TUBGCP6: variants seen among roughly 807,000 people sequenced by gnomAD.
TUBGCP6 encodes gamma-tubulin complex component 6.
In TUBGCP6, 161 loss-of-function variants were observed where a neutral mutation model predicts 175.8. The ratio of observed to expected loss-of-function variants is 0.92; its 90% CI spans 0.81 to 1.04. TUBGCP6 has a LOEUF of 1.04. Ranked by LOEUF, TUBGCP6 falls within the 50% of genes least tolerant of loss-of-function variation. The pLI, the probability that TUBGCP6 is intolerant of heterozygous loss-of-function variation, is 0.00. For missense variants in TUBGCP6, 2,572 were observed against 2,433.0 expected, an observed-to-expected ratio of 1.06 and a Z score of -1.20; for synonymous variants, 1,173 against 1,030.5, an observed-to-expected ratio of 1.14 and a Z score of -2.65.
At chr22:50,219,243 G>A (rs766309205) in intron 19 of TUBGCP6, 34 bp from the exon 20 acceptor site, 3 of 1,610,570 alleles carry the variant, frequency 1.9e-6, no homozygotes, top group Admixed American at 1.7e-5. Context: ...GGGCGGGCCA[G>A]GACGGGCTGG....
Position 50,244,238 on chromosome 22 carries a change from G to T in TUBGCP6, c.222C>A (p.Ser74=), listed in dbSNP as rs770711309. 2 of 1,613,478 alleles carry T rather than the reference G, an allele frequency of 1.2e-6. No individual in the cohort carries two copies. Among genetic ancestry groups the T allele is most frequent in the Non-Finnish European group, 1.7e-6 (2 of 1,180,030 alleles). The change falls in exon 1 of 25, where the codon TCC becomes TCA. Residue 74 remains serine (S), a synonymous_variant. Coordinates refer to ENST00000248846, the MANE Select transcript of TUBGCP6 (RefSeq NM_020461.4). ...CCAGGCCACCCACTCTCAAGTCAAA[G>T]GACAACATGAGGATCTTGTTTCTCG... is the stretch of plus-strand genomic sequence containing the variant. ...LPARNKILML[S]FDLRVGGLGP...
intron 1 of TUBGCP6, 146 bp downstream of exon 1, chr22:50,243,573 G>C (rs1209935273): frequency 1.3e-6 from 1 of 761,370 alleles, no homozygotes; most frequent in African/African-American, 2.1e-5. Flanking sequence ...AGCCAAGATC[G>C]CGCCACTGCA....
Position 50,217,828 on chromosome 22 carries a change from C to A in TUBGCP6, c.5369-1G>T. ...CCGCGGTTCACCAGCTTGGTCACCA[C>A]TGGGGACCAGCGAGCAGCTCAGGCT... On this transcript the variant is annotated splice_acceptor_variant, in intron 24 of 24. Coordinates refer to ENST00000248846, the MANE Select transcript of TUBGCP6 (RefSeq NM_020461.4). LOFTEE classifies it high-confidence loss of function. 6.2e-7 allele frequency: 1 copy of A among 1,613,712 alleles called. No individual in the cohort carries two copies. The highest frequency in any genetic ancestry group is 1.1e-5 in the South Asian group (1 of 91,046).
At position 50,218,843 on chromosome 22, in the gene TUBGCP6, C is replaced by A; in HGVS notation, c.4681G>T (p.Val1561Leu). 1.2e-6 allele frequency: 2 copies of A among 1,614,026 alleles called. No individual in the cohort carries two copies. Among genetic ancestry groups the A allele is most frequent in the South Asian group, 2.2e-5 (2 of 91,082 alleles). The change falls in exon 21 of 25, where the codon GTG becomes TTG. Residue 1561 changes from valine to leucine, a missense_variant. By Grantham distance (32) the Val-to-Leu change is conservative (BLOSUM62 1). Transcript: ENST00000248846. The part of the protein sequence containing the change: ...ELLNPLVLNS[V>L]LSKALQCSLH... ...CTGCACTGCAGGGCCTTGCTCAGCACAGAGTTCAGCACCAGCGGGTTGAGC... is the reference window on the plus strand; with the variant it reads ...CTGCACTGCAGGGCCTTGCTCAGCAAAGAGTTCAGCACCAGCGGGTTGAGC...
rs202082129 is a variant in TUBGCP6, at chr22:50,220,956, C to A, written c.3403G>T (p.Gly1135Trp). Reference sequence around the variant, plus strand: ...CTGATGCTGGCGTTGGACACGTGCCCGTGGGTATTCCACCGTGGCCTGGTG... The same window carrying A: ...CTGATGCTGGCGTTGGACACGTGCCAGTGGGTATTCCACCGTGGCCTGGTG... ...APTRPRWNTH[G>W]HVSNASIRVG... Residue 1135 changes from glycine (G) to tryptophan (W), a missense_variant, in exon 16 of 25, where the codon GGG (glycine) becomes TGG (tryptophan). By Grantham distance (184) the Gly-to-Trp change is radical. Transcript: ENST00000248846. 6.2e-7 allele frequency: 1 copy of A among 1,607,156 alleles called. No individual in the cohort carries two copies. The highest frequency in any genetic ancestry group is 1.3e-5 in the African/African-American group (1 of 74,476).
At position 50,244,104 on chromosome 22, in the gene TUBGCP6, CCTG is replaced by C. The variant is rs769271255; in HGVS notation, c.353_355del (p.Ala118del). 1 of 1,613,708 alleles carries C rather than the reference CCTG, an allele frequency of 6.2e-7. No individual in the cohort carries two copies. Among genetic ancestry groups the C allele is most frequent in the South Asian group, 1.1e-5 (1 of 91,084 alleles). ...CGGCAGAACTTGAGGGGGACCACTC[CCTG>C]CCAGCTGAACCAGGAGGTCCAAAAC... On this transcript the variant is annotated inframe_deletion, in exon 1 of 25. Coordinates refer to ENST00000248846, the MANE Select transcript of TUBGCP6 (RefSeq NM_020461.4).
intron 1 of TUBGCP6, among the ~76,000 whole-genome samples, chr22:50,241,982 T>G: frequency 3.6e-5 from 1 of 27,948 alleles, no homozygotes; most frequent in Non-Finnish European, 5.1e-5. Flanking sequence ...AGACTCCATC[T>G]CAAAAAAAAA....
rs374452257 is a variant in TUBGCP6, at chr22:50,218,251, G to A, written c.5106C>T (p.Thr1702=). ...TWCEFRARLA[T]VGDLEEIQRA... is the part of the protein sequence containing the mutation. ...GCTGGATCTCCTCCAGGTCGCCCACGGTGGCCAACCTGGCCCTGAACTCGC... is the reference window on the plus strand; with the variant it reads ...GCTGGATCTCCTCCAGGTCGCCCACAGTGGCCAACCTGGCCCTGAACTCGC... The change falls in exon 23 of 25, where the codon ACC becomes ACT. Residue 1702 remains threonine (T), a synonymous_variant. Transcript: ENST00000248846. 64 of 1,612,992 alleles carry A rather than the reference G, an allele frequency of 4.0e-5. No individual in the cohort carries two copies. Among genetic ancestry groups the A allele is most frequent in the South Asian group, 4.0e-4 (36 of 91,086 alleles).
At chr22:50,224,082 C>G in intron 13 of TUBGCP6, 59 bp downstream of exon 13, 1 of 1,481,228 alleles carries the variant, frequency 6.8e-7, no homozygotes, top group Non-Finnish European at 9.3e-7. Context: ...AAGATTAAGC[C>G]AGAGCTATGG....
chr22:50,221,135 G>A lies in TUBGCP6; in HGVS notation c.3224C>T (p.Pro1075Leu), dbSNP rs746157968. The change falls in exon 16 of 25, where the codon CCA (proline) becomes CTA (leucine). Residue 1075 changes from proline (P) to leucine (L), a missense_variant. Pro to Leu is a moderately conservative substitution (Grantham distance 98). Coordinates refer to ENST00000248846, the MANE Select transcript of TUBGCP6 (RefSeq NM_020461.4). ...ENVSDVAPTQ[P>L]RWNTHGHVSN... is the part of the protein sequence containing the mutation. ...TACGTGTCCGTGGGTGTTCCACCGT[G>A]GCTGGGTGGGAGCCACATCTGACAC... 2.5e-6 allele frequency: 4 copies of A among 1,607,724 alleles called. No homozygotes were observed. In the African/African-American group the frequency reaches 4.0e-5, roughly 16 times the overall value.
At chr22:50,225,022 G>A (rs1339186766) in intron 10 of TUBGCP6, among the ~76,000 whole-genome samples, 1 of 151,866 alleles carries the variant, frequency 6.6e-6, no homozygotes, top group Non-Finnish European at 1.5e-5. Context: ...CCAAGGGTTC[G>A]AGGAGGGACC....
Position 50,233,399 on chromosome 22 carries a change from C to A in TUBGCP6, c.1033G>T (p.Val345Leu). ...AGGVLQAPQP[V>L]LVKECELVKD... is the part of the protein sequence containing the mutation. ...ACCAGCTCGCACTCCTTCACCAGCA[C>A]GGGCTGCGGGGCCTGTAGGACGCCC... The change falls in exon 3 of 25, where the codon GTG (valine) becomes TTG (leucine). Residue 345 changes from valine to leucine, a missense_variant. By Grantham distance (32) the Val-to-Leu change is conservative. Transcript: ENST00000248846. The A allele has an allele frequency of 6.2e-7, 1 of 1,613,996 alleles. No individual in the cohort carries two copies. Among genetic ancestry groups the A allele is most frequent in the Non-Finnish European group, 8.5e-7 (1 of 1,179,960 alleles).
chr22:50,238,925 G>A (rs190949577), intron 2 of TUBGCP6, among the ~76,000 whole-genome samples: 66 of 152,284 alleles, frequency 4.3e-4, no homozygotes, highest in Non-Finnish European at 6.3e-4. Flanking sequence ...CACCACCACC[G>A]TGCTGGGAAG....
At position 50,219,187 on chromosome 22, in the gene TUBGCP6, C is replaced by G. The variant is rs200841925; in HGVS notation, c.4507G>C (p.Ala1503Pro). ...AGCTCCACGAAGAAGTAGTCGACAG[C>G]GGCCTTGTTCACCAAGGAGATGCTG... ...AAHISLVNKA[A>P]VDYFFVELHL... The change falls in exon 20 of 25, where the codon GCT becomes CCT. Residue 1503 changes from alanine (A) to proline (P), a missense_variant. Ala to Pro is a conservative substitution (Grantham distance 27). Coordinates refer to ENST00000248846, the MANE Select transcript of TUBGCP6 (RefSeq NM_020461.4). 2 of 1,611,292 alleles carry G rather than the reference C, an allele frequency of 1.2e-6. No homozygotes were observed. Among genetic ancestry groups the G allele is most frequent in the African/African-American group, 2.7e-5 (2 of 74,928 alleles).
chr22:50,222,408 C>A (rs1411005983), intron 14 of TUBGCP6, 46 bp downstream of exon 14: 2 of 1,608,556 alleles, frequency 1.2e-6, no homozygotes. Context: ...GTTTCCAGAC[C>A]CCCAAAGCCC....
Position 50,225,797 on chromosome 22 carries a change from C to G in TUBGCP6, c.1980G>C (p.Glu660Asp). The change falls in exon 10 of 25, where the codon GAG becomes GAC. Residue 660 changes from glutamate (E) to aspartate (D), a missense_variant. Coordinates refer to ENST00000248846, the MANE Select transcript of TUBGCP6 (RefSeq NM_020461.4). ...VARHSSVSKE[E>D]KELRMEIAKQ... ...CGAGACCTGTGGTGCCACGCACCTT[C>G]TCCTCCTTGCTGACAGAGCTGTGGC... is the stretch of plus-strand genomic sequence containing the variant. 6.2e-7 allele frequency: 1 copy of G among 1,612,516 alleles called. No individual in the cohort carries two copies. The highest frequency in any genetic ancestry group is 8.5e-7 in the Non-Finnish European group (1 of 1,179,218).
At chr22:50,228,261 GAGCCCAGCTGCCCCAGGGGCGCCCACC>G (rs2064641800) in intron 4 of TUBGCP6, among the ~76,000 whole-genome samples, 3 of 77,302 alleles carry the variant, frequency 3.9e-5, no homozygotes, top group African/African-American at 1.5e-4. Context: ...CCTCTCATCT[GAGCCCAGCTGCCCCAGGGGCGCCCACC>G]ACCAACCCTT....
chr22:50,218,268 T>C lies in TUBGCP6; in HGVS notation c.5089A>G (p.Arg1697Gly). 2 of 1,613,136 alleles carry C rather than the reference T, an allele frequency of 1.2e-6. No homozygotes were observed. Among genetic ancestry groups the C allele is most frequent in the African/African-American group, 1.3e-5 (1 of 75,062 alleles). ...TCGCCCACGGTGGCCAACCTGGCCC[T>C]GAACTCGCACCAGGTGACGTGCAGG... ...QILHVTWCEF[R>G]ARLATVGDLE... is the part of the protein sequence containing the mutation. Residue 1697 changes from arginine (R) to glycine (G), a missense_variant, in exon 23 of 25, where the codon AGG (arginine) becomes GGG (glycine). Arg to Gly is a moderately radical substitution (Grantham distance 125). Coordinates refer to ENST00000248846, the MANE Select transcript of TUBGCP6 (RefSeq NM_020461.4).
intron 10 of TUBGCP6, 37 bp downstream of exon 10, chr22:50,225,757 G>A (rs1191568058): frequency 1.3e-6 from 2 of 1,585,942 alleles, no homozygotes; most frequent in Non-Finnish European, 1.7e-6. Context: ...CAGAGGCAGG[G>A]GCGAAGAAAG....
Sources: gnomAD v4.1 joint callset for allele counts (sites outside exome capture counted in the v4.1 genomes callset) on GRCh38, gnomAD v4.1.1 for gene constraint, MANE v1.5 for transcripts, NCBI Gene and HGNC (gene_info 2026-07-23, HGNC 2026-07-21) for gene names.